TMEM165: variants seen among roughly 807,000 people sequenced by gnomAD.
The protein encoded by TMEM165 is transmembrane protein 165.
In TMEM165, 19 loss-of-function variants were observed where a neutral mutation model predicts 30.0. That is an observed-to-expected ratio of 0.63 (90% CI 0.44 to 0.93). The LOEUF is 0.93. TMEM165 is among the 40% of genes least tolerant of loss of function. The pLI is 0.00. For synonymous variants in TMEM165, 168 were observed against 162.9 expected (o/e 1.03, Z -0.24); for missense variants, 340 against 417.0 (o/e 0.82, Z 1.61).
chr4:55,444,205 C>A (rs1283749909), intron 3 of TMEM165, among the ~76,000 whole-genome samples: 1 of 152,132 alleles, frequency 6.6e-6, no homozygotes, highest in East Asian at 1.9e-4. Flanking sequence ...CCAAGTTTCC[C>A]TTTACCAAAG....
rs150288378 is a variant in TMEM165 at position 55,437,674 on chromosome 4, C to G, written c.408+13031C>G. On this transcript the variant is annotated intron_variant, in intron 3 of 3. Transcript: ENST00000608091. ...CAATTATTATGACCTCCACTTTACA[C>G]GTGACGTTTACCAAGAGTAAGCAAC... 3.9e-5 allele frequency among the ~76,000 whole-genome samples: 6 copies of G among 152,302 alleles called. No individual in the cohort carries two copies. The South Asian group carries it at 8.3e-4, about 21-fold the overall frequency.
intron 1 of TMEM165, among the ~76,000 whole-genome samples, chr4:55,402,426 TATATATA>T (rs1388087989): frequency 8.7e-5 from 4 of 45,856 alleles, no homozygotes; most frequent in South Asian, 8.1e-4. Context: ...TATATATATA[TATATATA>T]TTTTTTTTTT....
downstream of TMEM165, among the ~76,000 whole-genome samples, chr4:55,426,726 T>C (rs1215699827): frequency 6.6e-6 from 1 of 152,196 alleles, no homozygotes; most frequent in African/African-American, 2.4e-5. Context: ...GTCTGCAATT[T>C]GAAGAGATTG....
chr4:55,441,545 C>G (rs1723367735), intron 3 of TMEM165, among the ~76,000 whole-genome samples: 1 of 152,096 alleles, frequency 6.6e-6, no homozygotes, highest in Non-Finnish European at 1.5e-5. Flanking sequence ...GCCTACTACT[C>G]AGCCATAAAA....
intron 4 of TMEM165, among the ~76,000 whole-genome samples, chr4:55,418,676 T>C (rs1721840770): frequency 6.6e-6 from 1 of 152,210 alleles, no homozygotes. Context: ...CAAATCTCTG[T>C]GTAGCTCTTA....
In TMEM165 at chr4:55,417,640, T is replaced by C. The variant is rs143089886; in HGVS notation, c.610-163T>C. 582 of 620,858 alleles carry C rather than the reference T, an allele frequency of 9.4e-4. 3 individuals carry two copies. In the Middle Eastern group the frequency reaches 0.012, roughly 12 times the overall value. 38.5% of individuals were successfully genotyped at this position (620,858 alleles called of 1,614,324 possible). On this transcript the variant is annotated intron_variant, in intron 3 of 5. Transcript: ENST00000381334. ...GAATTGAGACTATAGCATTTGTTGCTGTGTGAGACCAGTGGTTCAGAGGGG... is the reference window on the plus strand; with the variant it reads ...GAATTGAGACTATAGCATTTGTTGCCGTGTGAGACCAGTGGTTCAGAGGGG...
At chr4:55,437,127 A>G (rs1722944395) in intron 3 of TMEM165, among the ~76,000 whole-genome samples, 1 of 152,176 alleles carries the variant, frequency 6.6e-6, no homozygotes, top group Admixed American at 6.5e-5. Flanking sequence ...TTAAGGTCTA[A>G]AAGACTGTAT....
chr4:55,442,120 T>C (rs1002728895), intron 3 of TMEM165, among the ~76,000 whole-genome samples: 1 of 152,132 alleles, frequency 6.6e-6, no homozygotes, highest in Non-Finnish European at 1.5e-5. Flanking sequence ...AGCATCTATA[T>C]TGAAAAGACA....
chr4:55,405,253 A>C (rs908910494), intron 1 of TMEM165, among the ~76,000 whole-genome samples: 2 of 152,182 alleles, frequency 1.3e-5, no homozygotes, highest in African/African-American at 4.8e-5. Flanking sequence ...TTTAAGTGAA[A>C]TGACATCAAT....
At chr4:55,398,612 A>T (rs75859753) in intron 1 of TMEM165, among the ~76,000 whole-genome samples, 1 of 152,094 alleles carries the variant, frequency 6.6e-6, no homozygotes, top group Non-Finnish European at 1.5e-5. Flanking sequence ...TTTATTGTGT[A>T]TGTTGTGGCA....
chr4:55,451,039 T>TA (rs929713996), intron 3 of TMEM165, among the ~76,000 whole-genome samples: 27 of 142,612 alleles, frequency 1.9e-4, no homozygotes, highest in South Asian at 4.5e-4. Flanking sequence ...TCTCTCAACT[T>TA]AAAAAAAAAA....
At chr4:55,449,291 A>T in intron 3 of TMEM165, 1 of 1,041,472 alleles carries the variant, frequency 9.6e-7, no homozygotes. Flanking sequence ...AACTATTTTG[A>T]TCTTTACAAA....
At chr4:55,437,723 G>A (rs926597181) in intron 3 of TMEM165, among the ~76,000 whole-genome samples, 1 of 152,130 alleles carries the variant, frequency 6.6e-6, no homozygotes, top group Admixed American at 6.5e-5. Context: ...CGCAGTACGT[G>A]GTGCAGCAGT....
chr4:55,421,191 C>A (rs866431295), intron 4 of TMEM165, among the ~76,000 whole-genome samples: 3 of 138,712 alleles, frequency 2.2e-5, no homozygotes, highest in Admixed American at 7.1e-5. Flanking sequence ...AAAAAAAAGA[C>A]GACTCAGTAT....
At chr4:55,443,157 T>G (rs2109687463) in intron 3 of TMEM165, among the ~76,000 whole-genome samples, 1 of 152,264 alleles carries the variant, frequency 6.6e-6, no homozygotes, top group East Asian at 1.9e-4. Context: ...ACTACTAGAC[T>G]ACATCTTTAA....
chr4:55,444,777 A>C, intron 3 of TMEM165: 1 of 1,613,988 alleles, frequency 6.2e-7, no homozygotes, highest in Non-Finnish European at 8.5e-7. Context: ...ATTGAGCTGA[A>C]AACTGAAACT....
intron 3 of TMEM165, chr4:55,438,342 G>C (rs1723061708): frequency 1.2e-6 from 2 of 1,613,954 alleles, no homozygotes; most frequent in Admixed American, 3.3e-5. Context: ...GAACTGAAGT[G>C]AGCTGCTGCT....
chr4:55,428,019 A>G (rs1722308382), downstream of TMEM165: 1 of 152,252 alleles, frequency 6.6e-6, no homozygotes, highest in Admixed American at 6.5e-5. Flanking sequence ...GTGATAACTG[A>G]AAAACATAGC....
chr4:55,425,688 A>T lies in TMEM165; in HGVS notation c.*236A>T. The T allele has an allele frequency of 5.0e-6, 2 of 403,460 alleles. No homozygotes were observed. The highest frequency in any genetic ancestry group is 8.8e-6 in the Non-Finnish European group (2 of 226,942). 25.0% of individuals were successfully genotyped at this position (403,460 alleles called of 1,614,324 possible). On this transcript the variant is annotated 3_prime_UTR_variant, in exon 6 of 6. Transcript: ENST00000381334. ...TCTTCTCTCCAACATAATTATGTTA[A>T]TATGGTCCTCATTTTTCTTTTGGTG...
Sources: allele counts gnomAD v4.1 joint callset (sites outside exome capture counted in the v4.1 genomes callset), GRCh38; gene constraint gnomAD v4.1.1; transcripts MANE v1.5; gene names NCBI Gene and HGNC (gene_info 2026-07-23, HGNC 2026-07-21).